The following MMGT1 variants were observed in gnomAD, a reference collection of about 807,000 sequenced individuals.
MMGT1 encodes membrane magnesium transporter 1.
A neutral mutation model predicts 11.7 loss-of-function variants in MMGT1; 2 were observed. The observed-to-expected ratio is 0.17, with a 90% CI of 0.07 to 0.54. MMGT1 has a LOEUF of 0.54. Ranked by LOEUF, MMGT1 falls within the 20% of genes least tolerant of loss-of-function variation. The pLI, the probability that MMGT1 is intolerant of heterozygous loss-of-function variation, is 0.94. For synonymous variants in MMGT1, 49 were observed against 44.4 expected, an observed-to-expected ratio of 1.10 and a Z score of -0.41; for missense variants, 74 against 109.0, an observed-to-expected ratio of 0.68 and a Z score of 1.43.
At chrX:135,967,124 A>G (rs899487556) in intron 3 of MMGT1, among the ~76,000 whole-genome samples, 3 of 111,537 alleles carry the variant, frequency 2.7e-5, no homozygotes, top group Non-Finnish European at 3.8e-5. Context: ...ATTTTTCTAT[A>G]TATCTATTTT....
At chrX:135,967,833 T>G (rs1013012343) in intron 2 of MMGT1, among the ~76,000 whole-genome samples, 2 of 106,951 alleles carry the variant, frequency 1.9e-5, no homozygotes, top group African/African-American at 3.4e-5. Context: ...ATTGTTTTTG[T>G]TTTTTTTTTG....
intron 2 of MMGT1, among the ~76,000 whole-genome samples, chrX:135,970,799 C>T (rs1286211567): frequency 8.9e-6 from 1 of 111,823 alleles, no homozygotes; most frequent in Non-Finnish European, 1.9e-5. Context: ...GTCCCAGCTA[C>T]TCGGGAGGCT....
chrX:135,973,759 G>A lies in MMGT1; in HGVS notation c.-84C>T, dbSNP rs917746772. On this transcript the variant is annotated 5_prime_UTR_variant, in exon 1 of 4. Transcript: ENST00000305963. The stretch of plus-strand genomic sequence containing the variant: ...TTCCACCGGCGGGTGTCCGCGCGCC[G>A]CAGAAAGATGACGTCACTGAAGTCC... 2 of 1,165,988 alleles carry A rather than the reference G, an allele frequency of 1.7e-6. No homozygotes were observed. The highest frequency in any genetic ancestry group is 3.6e-5 in the African/African-American group (2 of 56,129).
In MMGT1 at chrX:135,964,802, A is replaced by T. The variant is rs2089176114; in HGVS notation, c.*222T>A. 2 of 284,120 alleles carry T rather than the reference A, an allele frequency of 7.0e-6. No individual in the cohort carries two copies. The highest frequency in any genetic ancestry group is 5.9e-5 in the Admixed American group (1 of 16,850). 23.4% of individuals were successfully genotyped at this position (284,120 alleles called of 1,213,427 possible). On this transcript the variant is annotated 3_prime_UTR_variant, in exon 4 of 4. Transcript: ENST00000305963. ...GTGGATTTGTTTTAAATGAAAAAAA[A>T]AATAATTCCTATATGAAATACCAAA...
rs2089171063 is a variant in MMGT1, at chrX:135,963,890, C to T, written c.*1134G>A. 8.9e-6 allele frequency: 1 copy of T among 112,656 alleles called. No individual in the cohort carries two copies. Among genetic ancestry groups the T allele is most frequent in the Admixed American group, 9.4e-5 (1 of 10,613 alleles). 9.3% of individuals were successfully genotyped at this position (112,656 alleles called of 1,213,427 possible). On this transcript the variant is annotated 3_prime_UTR_variant, in exon 4 of 4. Coordinates refer to ENST00000305963, the MANE Select transcript of MMGT1 (RefSeq NM_173470.3). ...CAGCTCTCTAGCTCAAAGAGCTAGCCAATTTCCTTAAAAGTAAAATTACTG... is the reference window on the plus strand; with the variant it reads ...CAGCTCTCTAGCTCAAAGAGCTAGCTAATTTCCTTAAAAGTAAAATTACTG...
At chrX:135,967,708 A>C (rs2089193881) in intron 2 of MMGT1, among the ~76,000 whole-genome samples, 1 of 111,987 alleles carries the variant, frequency 8.9e-6, no homozygotes, top group Non-Finnish European at 1.9e-5. Flanking sequence ...TTCAATAAAT[A>C]AATCTAGTGT....
Position 135,962,783 on chromosome X carries a change from C to A in MMGT1, c.*2241G>T, listed in dbSNP as rs1316350688. The A allele has an allele frequency of 8.9e-6, 1 of 111,944 alleles. No homozygotes were observed. Among genetic ancestry groups the A allele is most frequent in the Non-Finnish European group, 1.9e-5 (1 of 53,205 alleles). The allele number at this position is 111,944 out of a possible 1,213,427, so 9.2% of individuals were successfully genotyped here. ...GCAGGACTCTTCCCGACTGAGGAGGCAAAGATTTCAACATCCATTCTAGAG... is the reference window on the plus strand; with the variant it reads ...GCAGGACTCTTCCCGACTGAGGAGGAAAAGATTTCAACATCCATTCTAGAG... On this transcript the variant is annotated 3_prime_UTR_variant, in exon 4 of 4. Transcript: ENST00000305963.
At chrX:135,968,410 A>G (rs182961110) in intron 2 of MMGT1, among the ~76,000 whole-genome samples, 87 of 110,888 alleles carry the variant, frequency 7.8e-4, no homozygotes, top group African/African-American at 2.7e-3. Context: ...TAAAACATAT[A>G]TGCCTTACTT....
At chrX:135,965,521 C>T (rs2089180388) in intron 3 of MMGT1, among the ~76,000 whole-genome samples, 1 of 111,434 alleles carries the variant, frequency 9.0e-6, no homozygotes, top group South Asian at 3.8e-4. Flanking sequence ...CTCATCTCAG[C>T]CCCCCAAGTG....
intron 3 of MMGT1, among the ~76,000 whole-genome samples, chrX:135,965,701 GCTT>G (rs2089181463): frequency 9.0e-6 from 1 of 111,612 alleles, no homozygotes; most frequent in Admixed American, 9.5e-5. Context: ...ATGATGCCCG[GCTT>G]CTAATATTTT....
rs782475171 is a variant in MMGT1 at position 135,973,622 on chromosome X, G to A, written c.54C>T (p.Ala18=). The stretch of plus-strand genomic sequence containing the variant: ...GCTGCGCAGCGGAAAAGGCGGCGTG[G>A]GCTAGGGCAAAGAGACCGATGCCCA... The part of the protein sequence containing the change: ...GLVGIGLFAL[A]HAAFSAAQHR... Residue 18 remains alanine (A), a synonymous_variant, in exon 1 of 4, where the codon GCC becomes GCT. Transcript: ENST00000305963. The A allele has an allele frequency of 1.4e-5, 16 of 1,165,591 alleles. No individual in the cohort carries two copies. The African/African-American group carries it at 2.1e-4, about 16-fold the overall frequency.
In MMGT1 at chrX:135,962,282, G is replaced by C. The variant is rs1409783261; in HGVS notation, c.*2742C>G. ...CACAATGCTTAGAAAACAATCATTA[G>C]GGAGTTACAGAGAATAATCACCTCC... On this transcript the variant is annotated 3_prime_UTR_variant, in exon 4 of 4. Coordinates refer to ENST00000305963, the MANE Select transcript of MMGT1 (RefSeq NM_173470.3). 1.8e-5 allele frequency: 2 copies of C among 111,520 alleles called. No individual in the cohort carries two copies. The highest frequency in any genetic ancestry group is 6.5e-5 in the African/African-American group (2 of 30,682). 9.2% of individuals were successfully genotyped at this position (111,520 alleles called of 1,213,427 possible). A position where few individuals can be genotyped will look rare whatever the true frequency, so the allele number is the denominator to read the frequency against.
rs1050192186 is a variant in MMGT1 at position 135,962,075 on chromosome X, G to C, written c.*2949C>G. 9.1e-6 allele frequency: 1 copy of C among 109,605 alleles called. No homozygotes were observed. The allele number at this position is 109,605 out of a possible 1,213,427, so 9.0% of individuals were successfully genotyped here. A position where few individuals can be genotyped will look rare whatever the true frequency, so the allele number is the denominator to read the frequency against. On this transcript the variant is annotated 3_prime_UTR_variant, in exon 4 of 4. Coordinates refer to ENST00000305963, the MANE Select transcript of MMGT1 (RefSeq NM_173470.3). ...GCCCAAAAAACACTACCAAAAACAG[G>C]GTGAGACAATCATTTATTTATTGGA...
chrX:135,973,730 C>T lies in MMGT1; in HGVS notation c.-55G>A, dbSNP rs1603177442. ...GAAGCGAAGGACGGCGGAGCTGTTT[C>T]TTCTTCCACCGGCGGGTGTCCGCGC... is the stretch of plus-strand genomic sequence containing the variant. On this transcript the variant is annotated 5_prime_UTR_variant, in exon 1 of 4. Coordinates refer to ENST00000305963, the MANE Select transcript of MMGT1 (RefSeq NM_173470.3). 1.4e-5 allele frequency: 16 copies of T among 1,166,913 alleles called. No homozygotes were observed. The East Asian group carries it at 4.6e-4, about 33-fold the overall frequency.
intron 2 of MMGT1, among the ~76,000 whole-genome samples, chrX:135,968,538 T>TG (rs1556612227): frequency 2.8e-5 from 3 of 106,418 alleles, no homozygotes; most frequent in Non-Finnish European, 3.9e-5. Flanking sequence ...TGTGTGTGTG[T>TG]TTTCTTTTTT....
At chrX:135,966,681 G>C (rs1556611988) in intron 3 of MMGT1, among the ~76,000 whole-genome samples, 1 of 111,816 alleles carries the variant, frequency 8.9e-6, no homozygotes, top group Non-Finnish European at 1.9e-5. Context: ...AATGTTCACT[G>C]TGACTCCTTC....
At chrX:135,969,202 A>T (rs1475451367) in intron 2 of MMGT1, among the ~76,000 whole-genome samples, 2 of 110,346 alleles carry the variant, frequency 1.8e-5, no homozygotes, top group Non-Finnish European at 3.8e-5. Context: ...GATAGGAGTT[A>T]ACAGCCTCAT....
rs191353751 is a variant in MMGT1, at chrX:135,973,924, A to G, written c.-249T>C. On this transcript the variant is annotated 5_prime_UTR_variant, in exon 1 of 4. Transcript: ENST00000305963. Reference sequence around the variant, plus strand: ...CCTGCGCTATGGAGGCCTCTCTAGGAGGGCCGGAGCCCAACGGAGTCATAA... The same window carrying G: ...CCTGCGCTATGGAGGCCTCTCTAGGGGGGCCGGAGCCCAACGGAGTCATAA... 578 of 1,130,507 alleles carry G rather than the reference A, an allele frequency of 5.1e-4. 3 individuals carry two copies. The African/African-American group carries it at 0.01, about 20-fold the overall frequency. 93.2% of individuals were successfully genotyped at this position (1,130,507 alleles called of 1,213,427 possible). A position where few individuals can be genotyped will look rare whatever the true frequency, so the allele number is the denominator to read the frequency against.
chrX:135,969,772 A>G (rs1457420795), intron 2 of MMGT1, among the ~76,000 whole-genome samples: 1 of 112,584 alleles, frequency 8.9e-6, no homozygotes, highest in Non-Finnish European at 1.9e-5. Context: ...CACATGTATA[A>G]CTTTTTAAAG....
Sources: gnomAD v4.1 joint callset for allele counts (sites outside exome capture counted in the v4.1 genomes callset) on GRCh38, gnomAD v4.1.1 for gene constraint, MANE v1.5 for transcripts, NCBI Gene and HGNC (gene_info 2026-07-23, HGNC 2026-07-21) for gene names.